STIM1: variants seen among roughly 807,000 people sequenced by gnomAD.
STIM1 encodes the protein stromal interaction molecule 1.
In STIM1, 25 loss-of-function variants were observed where a neutral mutation model predicts 74.7. That is an observed-to-expected ratio of 0.33 (90% CI 0.24 to 0.47). The LOEUF (loss-of-function observed/expected upper bound fraction) is 0.47, where lower values mean the gene tolerates loss of function less well. STIM1 is among the 20% of genes least tolerant of loss of function. The pLI is 1.00. For missense variants in STIM1, 728 were observed against 920.8 expected, an observed-to-expected ratio of 0.79 and a Z score of 2.71; for synonymous variants, 328 against 348.8, an observed-to-expected ratio of 0.94 and a Z score of 0.66.
At chr11:4,034,197 C>T (rs1369840195) in intron 3 of STIM1, among the ~76,000 whole-genome samples, 5 of 151,558 alleles carry the variant, frequency 3.3e-5, no homozygotes, top group Admixed American at 6.6e-5. Flanking sequence ...CCACTGCACT[C>T]CAGTCTGGGC....
At chr11:3,922,376 T>A (rs544823213) in intron 1 of STIM1, among the ~76,000 whole-genome samples, 1 of 152,308 alleles carries the variant, frequency 6.6e-6, no homozygotes, top group South Asian at 2.1e-4. Flanking sequence ...TTATCTGGAT[T>A]TTATTATTTG....
rs999700817 is a variant in STIM1, at chr11:4,091,914, C to A, written c.*116C>A. ...AGAGTGGGGCATGGGAAGGGCTGGTCCAGGGGTCTGGGCACTGTACATACC... is the reference window on the plus strand; with the variant it reads ...AGAGTGGGGCATGGGAAGGGCTGGTACAGGGGTCTGGGCACTGTACATACC... On this transcript the variant is annotated 3_prime_UTR_variant, in exon 13 of 13. Coordinates refer to ENST00000526596, the MANE Select transcript of STIM1 (RefSeq NM_001382567.1). The A allele has an allele frequency of 5.6e-6, 8 of 1,427,882 alleles. No homozygotes were observed. Among genetic ancestry groups the A allele is most frequent in the South Asian group, 1.2e-5 (1 of 83,072 alleles). 88.5% of individuals were successfully genotyped at this position (1,427,882 alleles called of 1,614,324 possible).
intron 1 of STIM1, among the ~76,000 whole-genome samples, chr11:3,870,285 C>T (rs2091033183): frequency 6.6e-6 from 1 of 152,166 alleles, no homozygotes; most frequent in East Asian, 1.9e-4. Context: ...TGAGCCTTGA[C>T]TCTAGGAAAA....
At chr11:3,928,252 GTC>G (rs1278694188) in intron 1 of STIM1, among the ~76,000 whole-genome samples, 3 of 147,346 alleles carry the variant, frequency 2.0e-5, no homozygotes, top group Non-Finnish European at 4.5e-5. Flanking sequence ...TTGAGACAGA[GTC>G]TCACTTTGTC....
intron 2 of STIM1, among the ~76,000 whole-genome samples, chr11:4,017,884 T>C (rs764590972): frequency 6.6e-6 from 1 of 152,228 alleles, no homozygotes; most frequent in Non-Finnish European, 1.5e-5. Context: ...GTATCTGCCC[T>C]TTCCCTTTTA....
chr11:4,008,389 TA>T (rs1463936531), intron 2 of STIM1, among the ~76,000 whole-genome samples: 3 of 152,124 alleles, frequency 2.0e-5, no homozygotes, highest in Non-Finnish European at 2.9e-5. Context: ...AAACCAATTT[TA>T]ACAGAGGCTA....
At chr11:4,071,694 A>G (rs1354906613) in intron 6 of STIM1, among the ~76,000 whole-genome samples, 1 of 152,184 alleles carries the variant, frequency 6.6e-6, no homozygotes, top group Non-Finnish European at 1.5e-5. Flanking sequence ...TAGGGACAAG[A>G]CTTCTTGTGA....
At chr11:4,006,877 G>A (rs2093787339) in intron 2 of STIM1, among the ~76,000 whole-genome samples, 1 of 152,150 alleles carries the variant, frequency 6.6e-6, no homozygotes, top group Non-Finnish European at 1.5e-5. Flanking sequence ...TTGGAAAGGG[G>A]AGGGAAGTGT....
At chr11:4,068,243 T>C (rs892751993) in intron 5 of STIM1, among the ~76,000 whole-genome samples, 1 of 152,176 alleles carries the variant, frequency 6.6e-6, no homozygotes, top group Non-Finnish European at 1.5e-5. Context: ...TGGTTCCAAA[T>C]TGAACTGGAT....
chr11:3,899,550 T>C (rs1445734926), intron 1 of STIM1, among the ~76,000 whole-genome samples: 1 of 150,446 alleles, frequency 6.6e-6, no homozygotes, highest in Non-Finnish European at 1.5e-5. Context: ...CTTCCAACAC[T>C]ATGTTGAATA....
chr11:4,021,974 T>C (rs1470293161), intron 2 of STIM1, among the ~76,000 whole-genome samples: 1 of 152,140 alleles, frequency 6.6e-6, no homozygotes, highest in East Asian at 1.9e-4. Flanking sequence ...TTAATTTCTT[T>C]TTCAGATTTG....
intron 1 of STIM1, among the ~76,000 whole-genome samples, chr11:3,862,622 A>G (rs956128863): frequency 1.3e-5 from 2 of 151,898 alleles, no homozygotes; most frequent in Admixed American, 6.6e-5. Context: ...AATTTTTTGT[A>G]TTTTTAGTAG....
At chr11:4,015,511 A>T (rs1288805226) in intron 2 of STIM1, among the ~76,000 whole-genome samples, 1 of 152,072 alleles carries the variant, frequency 6.6e-6, no homozygotes, top group African/African-American at 2.4e-5. Context: ...TGAATCTGAC[A>T]ATTATGTGTC....
At chr11:3,931,965 T>A (rs1326150340) in intron 1 of STIM1, among the ~76,000 whole-genome samples, 1 of 151,658 alleles carries the variant, frequency 6.6e-6, no homozygotes, top group Non-Finnish European at 1.5e-5. Context: ...AAGAGGAGGG[T>A]GTTAAGTGAA....
chr11:4,055,411 TG>T, intron 3 of STIM1, 114 bp from the exon 4 acceptor site: 1 of 793,508 alleles, frequency 1.3e-6, no homozygotes, highest in Non-Finnish European at 2.2e-6. Flanking sequence ...TAGTATTTTA[TG>T]GGACAGATAG....
chr11:3,946,033 C>CCACA (rs2093068454), intron 1 of STIM1, among the ~76,000 whole-genome samples: 1 of 152,106 alleles, frequency 6.6e-6, no homozygotes, highest in Admixed American at 6.5e-5. Context: ...CCCCCATGAC[C>CCACA]CACACACCTC....
intron 2 of STIM1, among the ~76,000 whole-genome samples, chr11:3,972,648 G>A (rs1418164641): frequency 1.3e-5 from 2 of 148,892 alleles, no homozygotes; most frequent in Non-Finnish European, 3.0e-5. Flanking sequence ...TTTTTTTTTT[G>A]CCTATACACA....
intron 1 of STIM1, among the ~76,000 whole-genome samples, chr11:3,868,977 CTT>C (rs999168401): frequency 3.4e-5 from 5 of 147,608 alleles, no homozygotes; most frequent in Admixed American, 2.0e-4. Context: ...TTTTCTCTCT[CTT>C]TTTTTTTTTG....
Position 3,861,396 on chromosome 11 carries a change from G to T in STIM1, c.139+4987G>T, listed in dbSNP as rs146080987. Reference sequence around the variant, plus strand: ...CTACAGGCATCCGCCACCACGCCTGGCTAATTGTTTTGTATTTTTAGTAGA... The same window carrying T: ...CTACAGGCATCCGCCACCACGCCTGTCTAATTGTTTTGTATTTTTAGTAGA... On this transcript the variant is annotated intron_variant, in intron 1 of 12. Transcript: ENST00000526596. Among the ~76,000 whole-genome samples the T allele has an allele frequency of 9.1e-3, 1,390 of 152,164 alleles. 20 individuals carry two copies. Among genetic ancestry groups the T allele is most frequent in the African/African-American group, 0.031 (1,299 of 41,518 alleles).
Sources: gnomAD v4.1 joint callset for allele counts (sites outside exome capture counted in the v4.1 genomes callset) on GRCh38, gnomAD v4.1.1 for gene constraint, MANE v1.5 for transcripts, NCBI Gene and HGNC (gene_info 2026-07-23, HGNC 2026-07-21) for gene names.